Variants in PRKCA observed in about 807,000 individuals in gnomAD.
The protein encoded by PRKCA is protein kinase C alpha type.
In PRKCA, 27 loss-of-function variants were observed where a neutral mutation model predicts 87.0. The ratio of observed to expected loss-of-function variants is 0.31; its 90% CI spans 0.23 to 0.43. PRKCA has a LOEUF of 0.43. PRKCA is among the 20% of genes least tolerant of loss of function. PRKCA has a pLI of 1.00. For missense variants in PRKCA, 518 were observed against 852.3 expected (o/e 0.61, Z 4.88); for synonymous variants, 329 against 311.1 (o/e 1.06, Z -0.61).
At chr17:66,437,742 T>C (rs949316604) in intron 2 of PRKCA, among the ~76,000 whole-genome samples, 1 of 9,552 alleles carries the variant, frequency 1.0e-4, no homozygotes, top group Non-Finnish European at 1.8e-4. Flanking sequence ...GAGCGGGGGG[T>C]GGGTGGGGCG....
chr17:66,662,528 T>C (rs1294275736), intron 5 of PRKCA, among the ~76,000 whole-genome samples: 1 of 152,178 alleles, frequency 6.6e-6, no homozygotes, highest in Non-Finnish European at 1.5e-5. Flanking sequence ...ATTTCTTTTC[T>C]GTATCAATTT....
At chr17:66,714,498 T>C (rs573405637) in intron 8 of PRKCA, among the ~76,000 whole-genome samples, 1 of 152,180 alleles carries the variant, frequency 6.6e-6, no homozygotes, top group Admixed American at 6.5e-5. Flanking sequence ...GCCCCTGTCT[T>C]TTTAGGAGAG....
At chr17:66,427,172 C>T (rs1846077430) in intron 2 of PRKCA, among the ~76,000 whole-genome samples, 2 of 152,156 alleles carry the variant, frequency 1.3e-5, no homozygotes, top group South Asian at 4.1e-4. Context: ...GCTGGGACTA[C>T]AGGTGTGTGC....
chr17:66,509,326 T>C (rs1357852836), intron 3 of PRKCA, among the ~76,000 whole-genome samples: 1 of 152,012 alleles, frequency 6.6e-6, no homozygotes, highest in Non-Finnish European at 1.5e-5. Context: ...ATAGCACCAG[T>C]CTGATTCTGA....
intron 2 of PRKCA, among the ~76,000 whole-genome samples, chr17:66,336,126 T>C (rs1380163966): frequency 2.0e-5 from 3 of 152,204 alleles, no homozygotes; most frequent in South Asian, 2.1e-4. Flanking sequence ...CTTTCATTAA[T>C]AGTACCTGAA....
At chr17:66,548,368 C>T (rs543875776) in intron 3 of PRKCA, among the ~76,000 whole-genome samples, 2 of 152,120 alleles carry the variant, frequency 1.3e-5, no homozygotes, top group Non-Finnish European at 2.9e-5. Context: ...CCTGCCGCCT[C>T]CCTCCCCTCA....
intron 3 of PRKCA, among the ~76,000 whole-genome samples, chr17:66,498,639 T>C (rs1217237920): frequency 6.6e-6 from 1 of 152,208 alleles, no homozygotes; most frequent in Non-Finnish European, 1.5e-5. Flanking sequence ...CATTAAAATA[T>C]CACTAATTCA....
chr17:66,469,110 C>T (rs1478504042), intron 2 of PRKCA, among the ~76,000 whole-genome samples: 1 of 152,180 alleles, frequency 6.6e-6, no homozygotes, highest in East Asian at 1.9e-4. Flanking sequence ...TCCATGGCCA[C>T]AGTTTCCTTC....
chr17:66,790,139 G>A (rs1478053857), intron 16 of PRKCA, among the ~76,000 whole-genome samples: 1 of 152,250 alleles, frequency 6.6e-6, no homozygotes, highest in Non-Finnish European at 1.5e-5. Context: ...CCCACCTGGG[G>A]TGGCACAGTT....
chr17:66,587,656 T>C (rs962318689), intron 3 of PRKCA, among the ~76,000 whole-genome samples: 1 of 150,224 alleles, frequency 6.7e-6, no homozygotes, highest in Non-Finnish European at 1.5e-5. Context: ...CATATATGTG[T>C]GTGTATATAT....
chr17:66,467,376 T>G (rs1915131494), intron 2 of PRKCA, among the ~76,000 whole-genome samples: 1 of 152,220 alleles, frequency 6.6e-6, no homozygotes, highest in Non-Finnish European at 1.5e-5. Flanking sequence ...CTGGCTGATT[T>G]AAGGTAAACT....
At chr17:66,666,376 C>T (rs144360207) in intron 5 of PRKCA, among the ~76,000 whole-genome samples, 116 of 152,280 alleles carry the variant, frequency 7.6e-4, no homozygotes, top group African/African-American at 2.6e-3. Flanking sequence ...GCTTAGATGC[C>T]GCTCCTTGGA....
chr17:66,575,006 A>G (rs947453780), intron 3 of PRKCA, among the ~76,000 whole-genome samples: 8 of 152,268 alleles, frequency 5.3e-5, no homozygotes, highest in African/African-American at 1.9e-4. Context: ...TCACCTTTTC[A>G]CTTAAAGTAA....
At chr17:66,799,061 G>GTGA (rs1975792011) in intron 16 of PRKCA, among the ~76,000 whole-genome samples, 1 of 32,456 alleles carries the variant, frequency 3.1e-5, no homozygotes, top group African/African-American at 1.3e-4. Context: ...GATGGTGGTG[G>GTGA]TGGTGGTGGT....
chr17:66,562,580 G>GTTTT (rs1175259786), intron 3 of PRKCA, among the ~76,000 whole-genome samples: 18 of 138,212 alleles, frequency 1.3e-4, no homozygotes, highest in South Asian at 5.2e-4. Context: ...TAATAGCTAA[G>GTTTT]TTTTGTTTTT....
At chr17:66,510,713 T>C (rs1054027174) in intron 3 of PRKCA, among the ~76,000 whole-genome samples, 1 of 152,156 alleles carries the variant, frequency 6.6e-6, no homozygotes, top group Non-Finnish European at 1.5e-5. Context: ...GAAATTGTTA[T>C]GAGATTGCTG....
At chr17:66,649,652 T>C (rs1326461241) in intron 5 of PRKCA, among the ~76,000 whole-genome samples, 1 of 152,148 alleles carries the variant, frequency 6.6e-6, no homozygotes, top group Non-Finnish European at 1.5e-5. Flanking sequence ...AGAGTCTCCT[T>C]TGGAACAAAC....
intron 2 of PRKCA, among the ~76,000 whole-genome samples, chr17:66,346,308 A>C (rs987826332): frequency 6.6e-6 from 1 of 151,830 alleles, no homozygotes; most frequent in Non-Finnish European, 1.5e-5. Context: ...CGTGTTAGCT[A>C]GGATGGTCTC....
intron 2 of PRKCA, among the ~76,000 whole-genome samples, chr17:66,389,808 A>T (rs529033420): frequency 6.6e-6 from 1 of 152,264 alleles, no homozygotes; most frequent in Non-Finnish European, 1.5e-5. Flanking sequence ...ATTCTTACAC[A>T]TAGCCTTAAT....
Sources: gnomAD v4.1 joint callset for allele counts (sites outside exome capture counted in the v4.1 genomes callset) on GRCh38, gnomAD v4.1.1 for gene constraint, MANE v1.5 for transcripts, NCBI Gene and HGNC (gene_info 2026-07-23, HGNC 2026-07-21) for gene names.